DST: variants seen among roughly 807,000 people sequenced by gnomAD.
The protein encoded by DST is bullous pemphigoid antigen.
DST carries 253 observed loss-of-function variants against 875.2 expected under a neutral mutation model. The ratio of observed to expected loss-of-function variants is 0.29; its 90% CI spans 0.26 to 0.32. The LOEUF (loss-of-function observed/expected upper bound fraction) is 0.32, where lower values mean the gene tolerates loss of function less well. DST is among the 10% of genes least tolerant of loss of function. The pLI is 1.00. For synonymous variants in DST, 3,124 were observed against 3,197.1 expected (o/e 0.98, Z 0.77); for missense variants, 8,287 against 9,111.6 (o/e 0.91, Z 3.68).
chr6:56,497,756 G>T, intron 81 of DST, 100 bp downstream of exon 81: 3 of 1,129,076 alleles, frequency 2.7e-6, no homozygotes, highest in Non-Finnish European at 3.7e-6. Context: ...TCTCCTTAAG[G>T]TATAAAAATT....
intron 3 of DST, among the ~76,000 whole-genome samples, chr6:56,860,637 T>G (rs1770636104): frequency 6.6e-6 from 1 of 152,184 alleles, no homozygotes; most frequent in African/African-American, 2.4e-5. Context: ...GTACCTACCC[T>G]TGGTCAACAG....
At chr6:56,699,086 C>A (rs2099279010) in intron 9 of DST, among the ~76,000 whole-genome samples, 2 of 152,164 alleles carry the variant, frequency 1.3e-5, no homozygotes, top group Admixed American at 6.5e-5. Context: ...TATCACTTCC[C>A]CAAAACTAAA....
chr6:56,946,024 A>G (rs1479431303), intron 2 of DST, among the ~76,000 whole-genome samples: 1 of 152,180 alleles, frequency 6.6e-6, no homozygotes, highest in East Asian at 1.9e-4. Context: ...TTAATTATAC[A>G]CTTAAATGGG....
At chr6:56,489,443 T>C (rs2095666806) in intron 86 of DST, 47 bp downstream of exon 86, 1 of 1,564,124 alleles carries the variant, frequency 6.4e-7, no homozygotes, top group East Asian at 2.3e-5. Context: ...TAAAGTGATC[T>C]TGAACTATAT....
At chr6:56,801,283 A>G (rs2099746503) in intron 4 of DST, among the ~76,000 whole-genome samples, 1 of 152,150 alleles carries the variant, frequency 6.6e-6, no homozygotes, top group African/African-American at 2.4e-5. Flanking sequence ...GCTGTTTTTC[A>G]CTTACACTCA....
chr6:56,466,075 T>C lies in DST; in HGVS notation c.22687+3A>G. The C allele has an allele frequency of 6.2e-7, 1 of 1,604,410 alleles. No homozygotes were observed. The highest frequency in any genetic ancestry group is 8.5e-7 in the Non-Finnish European group (1 of 1,173,012). On this transcript the variant is annotated splice_donor_region_variant and intron_variant, in intron 99 of 103. Transcript: ENST00000680361. Reference sequence around the variant, plus strand: ...GATGTTATCATGATAAGCATCTCCTTACCCCTGCAAGGATCATTTTTCACT... The same window carrying C: ...GATGTTATCATGATAAGCATCTCCTCACCCCTGCAAGGATCATTTTTCACT...
At chr6:56,738,823 A>G (rs1210847838) in intron 4 of DST, among the ~76,000 whole-genome samples, 1 of 149,880 alleles carries the variant, frequency 6.7e-6, no homozygotes, top group Non-Finnish European at 1.5e-5. Context: ...GGGTTTCGTC[A>G]TGTTGCCCAG....
At chr6:56,937,074 GA>G (rs980139973) in intron 2 of DST, among the ~76,000 whole-genome samples, 8 of 151,266 alleles carry the variant, frequency 5.3e-5, no homozygotes, top group African/African-American at 1.9e-4. Flanking sequence ...AAATTGCCTT[GA>G]AAAAAAAGCA....
chr6:56,944,556 CA>C (rs1214779350), intron 2 of DST, among the ~76,000 whole-genome samples: 5 of 152,038 alleles, frequency 3.3e-5, no homozygotes, highest in Admixed American at 3.3e-4. Flanking sequence ...ATAACATGGA[CA>C]AAAACAATAA....
chr6:56,635,626 C>T lies in DST; in HGVS notation c.3149G>A (p.Ser1050Asn), dbSNP rs1373756810. ...QRKYSCDRSS[S>N]IHKLEDLVQE... is the part of the protein sequence containing the mutation. ...AACAAGGTCTTCTAGCTTGTGAATGCTGCTTGATCTATCACAGCTGTACTT... is the reference window on the plus strand; with the variant it reads ...AACAAGGTCTTCTAGCTTGTGAATGTTGCTTGATCTATCACAGCTGTACTT... The change falls in exon 24 of 104, where the codon AGC (serine) becomes AAC (asparagine). Residue 1050 changes from serine to asparagine, a missense_variant. This residue lies in a region of DST where 1,160 missense variants were observed against 1,424.3 expected (regional missense o/e 0.81). Transcript: ENST00000680361. 6.2e-7 allele frequency: 1 copy of T among 1,613,928 alleles called. No homozygotes were observed. The highest frequency in any genetic ancestry group is 1.7e-5 in the Admixed American group (1 of 60,020).
intron 5 of DST, among the ~76,000 whole-genome samples, chr6:56,733,293 C>G (rs574713942): frequency 6.6e-6 from 1 of 152,204 alleles, no homozygotes; most frequent in South Asian, 2.1e-4. Context: ...CAAACTGTAG[C>G]TTTTTCTAAA....
At chr6:56,916,774 T>TCACACACA (rs1275596111) in intron 2 of DST, among the ~76,000 whole-genome samples, 8 of 88,508 alleles carry the variant, frequency 9.0e-5, no homozygotes, top group Middle Eastern at 4.8e-3. Context: ...TCTCTCTCTC[T>TCACACACA]CTCTCACACA....
intron 2 of DST, among the ~76,000 whole-genome samples, chr6:56,940,500 CA>C (rs1016200454): frequency 6.6e-6 from 1 of 150,722 alleles, no homozygotes; most frequent in Non-Finnish European, 1.5e-5. Flanking sequence ...TTATATTTTT[CA>C]AAAAAAATCC....
rs748215482 is a variant in DST at position 56,552,729 on chromosome 6, G to C, written c.16063C>G (p.Gln5355Glu). 5 of 1,611,932 alleles carry C rather than the reference G, an allele frequency of 3.1e-6. No individual in the cohort carries two copies. The highest frequency in any genetic ancestry group is 4.2e-6 in the Non-Finnish European group (5 of 1,179,880). Reference protein sequence around the residue: ...DSKGTSDVLLQVETIAQEHST... With the variant: ...DSKGTSDVLLEVETIAQEHST... ...TGCTCTTGAGCTATGGTTTCCACTT[G>C]TAATAAAACATCAGAGGTTCCCTTT... Residue 5355 changes from glutamine to glutamate, a missense_variant, in exon 61 of 104, where the codon CAA (glutamine) becomes GAA (glutamate). Transcript: ENST00000680361.
chr6:56,533,519 CTG>C (rs1291067058), intron 63 of DST, among the ~76,000 whole-genome samples: 1 of 152,176 alleles, frequency 6.6e-6, no homozygotes, highest in Non-Finnish European at 1.5e-5. Flanking sequence ...GACATACAAA[CTG>C]TGTTGGCACA....
intron 5 of DST, among the ~76,000 whole-genome samples, chr6:56,721,550 C>A (rs1171498774): frequency 2.0e-5 from 3 of 152,212 alleles, no homozygotes; most frequent in South Asian, 4.1e-4. Context: ...GTTCTTCTGC[C>A]ATGGCTTCAG....
intron 68 of DST, among the ~76,000 whole-genome samples, chr6:56,527,263 AC>A: frequency 1.3e-5 from 2 of 152,184 alleles, no homozygotes; most frequent in South Asian, 4.2e-4. Context: ...TGGGTAATAA[AC>A]TATACTCCCA....
intron 4 of DST, among the ~76,000 whole-genome samples, chr6:56,800,477 C>A (rs1452368039): frequency 1.3e-5 from 2 of 152,180 alleles, no homozygotes; most frequent in African/African-American, 2.4e-5. Flanking sequence ...CTATGAAAAG[C>A]AATAGCACAA....
intron 22 of DST, among the ~76,000 whole-genome samples, chr6:56,637,111 A>C (rs2098833361): frequency 6.6e-6 from 1 of 151,884 alleles, no homozygotes; most frequent in African/African-American, 2.4e-5. Context: ...AAACAAACAA[A>C]AAAAAAACAA....
Sources: gnomAD v4.1 joint callset for allele counts (sites outside exome capture counted in the v4.1 genomes callset) on GRCh38, gnomAD v4.1.1 for gene constraint, gnomAD v4.1.1 regional missense constraint, MANE v1.5 for transcripts, NCBI Gene and HGNC (gene_info 2026-07-23, HGNC 2026-07-21) for gene names.